Variants in IL1RAPL1 observed in about 807,000 individuals in gnomAD.
IL1RAPL1 encodes interleukin-1 receptor accessory protein-like 1.
A neutral mutation model predicts 48.4 loss-of-function variants in IL1RAPL1; 3 were observed. The observed-to-expected ratio is 0.06, with a 90% confidence interval of 0.03 to 0.16. The LOEUF is 0.16. Among genes scored for constraint, IL1RAPL1 ranks in the 10% least tolerant of loss-of-function variants. IL1RAPL1 has a pLI of 1.00. For synonymous variants in IL1RAPL1, 185 were observed against 187.7 expected (o/e 0.99, Z 0.12); for missense variants, 349 against 530.6 (o/e 0.66, Z 3.36).
intron 5 of IL1RAPL1, among the ~76,000 whole-genome samples, chrX:29,453,597 C>A (rs2147728545): frequency 9.0e-6 from 1 of 111,311 alleles, no homozygotes; most frequent in South Asian, 3.8e-4. Context: ...CACAGTCCAA[C>A]AACTCTCAAC....
intron 6 of IL1RAPL1, among the ~76,000 whole-genome samples, chrX:29,744,869 G>A (rs1321037583): frequency 8.9e-6 from 1 of 111,962 alleles, no homozygotes; most frequent in East Asian, 2.8e-4. Flanking sequence ...CAATGCAACA[G>A]AATAAAGTTA....
chrX:29,711,276 C>T (rs1360531617), intron 6 of IL1RAPL1, among the ~76,000 whole-genome samples: 5 of 105,747 alleles, frequency 4.7e-5, no homozygotes, highest in African/African-American at 1.7e-4. Context: ...TTCTGCCTCC[C>T]GGGTTCAAGT....
chrX:29,473,830 C>CTTA (rs924858483), intron 5 of IL1RAPL1, among the ~76,000 whole-genome samples: 8 of 111,290 alleles, frequency 7.2e-5, no homozygotes, highest in African/African-American at 2.3e-4. Flanking sequence ...AATGATTTGT[C>CTTA]TTACCCTTTG....
chrX:29,848,840 A>G (rs1931301956), intron 6 of IL1RAPL1, among the ~76,000 whole-genome samples: 1 of 110,770 alleles, frequency 9.0e-6, no homozygotes, highest in Non-Finnish European at 1.9e-5. Context: ...ATCTCGGCTC[A>G]CTGCAACCTA....
In IL1RAPL1 at chrX:28,659,265, G is replaced by C. The variant is rs1221907150; in HGVS notation, c.-25+71218G>C. 1.7e-5 allele frequency: 10 copies of C among 580,138 alleles called. No individual in the cohort carries two copies. The Admixed American group carries it at 2.2e-4, about 13-fold the overall frequency. The allele number at this position is 580,138 out of a possible 1,213,427, so 47.8% of individuals were successfully genotyped here. On this transcript the variant is annotated intron_variant, in intron 1 of 10. Transcript: ENST00000378993. ...TCCTGAGCAATTTCTTGCACCAAACGCTGGACGGGAAGTTTGTGAATCAGA... is the reference window on the plus strand; with the variant it reads ...TCCTGAGCAATTTCTTGCACCAAACCCTGGACGGGAAGTTTGTGAATCAGA...
At chrX:28,833,017 T>G (rs1342432575) in intron 2 of IL1RAPL1, among the ~76,000 whole-genome samples, 1 of 110,138 alleles carries the variant, frequency 9.1e-6, no homozygotes, top group Non-Finnish European at 1.9e-5. Context: ...TTTATGTTCA[T>G]GAGTACCCAA....
chrX:28,865,507 A>G (rs1922058067), intron 2 of IL1RAPL1, among the ~76,000 whole-genome samples: 2 of 111,238 alleles, frequency 1.8e-5, no homozygotes, highest in South Asian at 3.8e-4. Flanking sequence ...TCTATATTCA[A>G]ATGGAGCTGT....
chrX:29,230,533 A>C (rs997142131), intron 2 of IL1RAPL1, among the ~76,000 whole-genome samples: 1 of 100,870 alleles, frequency 9.9e-6, no homozygotes, highest in Non-Finnish European at 2.0e-5. Context: ...AAAAAAAAAA[A>C]AACCTTGTTG....
chrX:29,863,690 A>G (rs1931636346), intron 6 of IL1RAPL1, among the ~76,000 whole-genome samples: 2 of 112,438 alleles, frequency 1.8e-5, no homozygotes, highest in Admixed American at 1.9e-4. Context: ...AATTGTATTC[A>G]GGATGTTGGT....
At chrX:29,704,167 G>A (rs1319152465) in intron 6 of IL1RAPL1, among the ~76,000 whole-genome samples, 3 of 109,726 alleles carry the variant, frequency 2.7e-5, no homozygotes, top group Non-Finnish European at 5.7e-5. Flanking sequence ...TGTCCTCAAG[G>A]AATCCTCCTG....
chrX:29,591,521 C>T (rs1923370219), intron 5 of IL1RAPL1, among the ~76,000 whole-genome samples: 1 of 111,986 alleles, frequency 8.9e-6, no homozygotes, highest in Non-Finnish European at 1.9e-5. Context: ...GAGGGGGCAC[C>T]ATAGTGGGGA....
At chrX:29,260,724 T>C (rs1481526966) in intron 2 of IL1RAPL1, among the ~76,000 whole-genome samples, 2 of 111,025 alleles carry the variant, frequency 1.8e-5, no homozygotes, top group African/African-American at 6.5e-5. Context: ...TATGTGTGCA[T>C]AAGCACAATC....
chrX:28,721,775 G>T (rs1190672635), intron 1 of IL1RAPL1, among the ~76,000 whole-genome samples: 4 of 110,887 alleles, frequency 3.6e-5, no homozygotes, highest in Admixed American at 9.6e-5. Flanking sequence ...TTTTGTATAA[G>T]GTGTAAGGAA....
intron 3 of IL1RAPL1, among the ~76,000 whole-genome samples, chrX:29,333,477 C>A (rs1303759403): frequency 1.4e-4 from 11 of 76,955 alleles, no homozygotes; most frequent in Non-Finnish European, 2.3e-4. Context: ...CCAGTAGGGG[C>A]GGCCGGGCAG....
At chrX:29,624,423 TAA>T (rs1924557421) in intron 5 of IL1RAPL1, among the ~76,000 whole-genome samples, 1 of 112,787 alleles carries the variant, frequency 8.9e-6, no homozygotes, top group East Asian at 2.8e-4. Flanking sequence ...GGCTTTTTAA[TAA>T]GTAAATCAAC....
At chrX:29,434,514 C>T (rs746322620) in intron 5 of IL1RAPL1, among the ~76,000 whole-genome samples, 1 of 110,781 alleles carries the variant, frequency 9.0e-6, no homozygotes, top group South Asian at 3.7e-4. Context: ...AGTTGTCACA[C>T]TGTTTTTTGC....
At chrX:28,886,202 G>C (rs1022913683) in intron 2 of IL1RAPL1, among the ~76,000 whole-genome samples, 1 of 108,920 alleles carries the variant, frequency 9.2e-6, no homozygotes, top group South Asian at 3.9e-4. Context: ...TCAAGAACTA[G>C]AATATATATA....
At chrX:29,115,490 T>C (rs1214372328) in intron 2 of IL1RAPL1, among the ~76,000 whole-genome samples, 2 of 111,411 alleles carry the variant, frequency 1.8e-5, no homozygotes, top group South Asian at 3.8e-4. Flanking sequence ...GGATTGACCT[T>C]TTTATTGTTA....
rs768060074 is a variant in IL1RAPL1 at position 29,822,391 on chromosome X, T to A, written c.779-95073T>A. ...TGAGGTTATTAAAATAATATGTATC[T>A]GTAATTTTTATATAAAAGACTTTAA... On this transcript the variant is annotated intron_variant, in intron 6 of 10. Coordinates refer to ENST00000378993, the MANE Select transcript of IL1RAPL1 (RefSeq NM_014271.4). Among the ~76,000 whole-genome samples the A allele has an allele frequency of 2.7e-5, 3 of 111,166 alleles. No homozygotes were observed. In the South Asian group the frequency reaches 1.1e-3, roughly 41 times the overall value.
Sources: allele counts gnomAD v4.1 joint callset (sites outside exome capture counted in the v4.1 genomes callset), GRCh38; gene constraint gnomAD v4.1.1; transcripts MANE v1.5; gene names NCBI Gene and HGNC (gene_info 2026-07-23, HGNC 2026-07-21).